OSTN: variants seen among roughly 807,000 people sequenced by gnomAD.
OSTN encodes the protein osteocrin.
OSTN carries 9 observed loss-of-function variants against 12.0 expected under a neutral mutation model. That is an observed-to-expected ratio of 0.75 (90% confidence interval 0.45 to 1.30). The LOEUF is 1.30. Ranked by LOEUF, OSTN falls within the 50% of genes most tolerant of loss-of-function variation. OSTN has a pLI of 0.00. For synonymous variants in OSTN, 59 were observed against 56.9 expected (o/e 1.04, Z -0.16); for missense variants, 148 against 152.3 (o/e 0.97, Z 0.15).
rs959851689 is a variant in OSTN, at chr3:191,259,974, C to G, written c.*13-2892C>G. On this transcript the variant is annotated intron_variant, in intron 4 of 4. Coordinates refer to ENST00000682035, the MANE Select transcript of OSTN (RefSeq NM_198184.2). ...GGTTCAAGTGATTCTCCTGCCTCAG[C>G]CTCCGGGGTAGCTGGGACTACAGGC... Among the ~76,000 whole-genome samples, 8 of 149,282 alleles carry G rather than the reference C, an allele frequency of 5.4e-5. No homozygotes were observed. In the South Asian group the frequency reaches 1.7e-3, roughly 31 times the overall value.
intron 4 of OSTN, among the ~76,000 whole-genome samples, chr3:191,259,312 A>G (rs1715747821): frequency 6.6e-6 from 1 of 151,588 alleles, no homozygotes; most frequent in South Asian, 2.1e-4. Flanking sequence ...CTTCTGCCTC[A>G]GCCTCCCGAG....
chr3:191,223,261 C>A (rs1046290160), intron 3 of OSTN, among the ~76,000 whole-genome samples: 1 of 152,118 alleles, frequency 6.6e-6, no homozygotes, highest in African/African-American at 2.4e-5. Flanking sequence ...ATGAAAGCTA[C>A]AAATAAGCCA....
At chr3:191,238,079 G>A (rs1400463618) in intron 3 of OSTN, among the ~76,000 whole-genome samples, 2 of 152,144 alleles carry the variant, frequency 1.3e-5, no homozygotes, top group African/African-American at 4.8e-5. Context: ...GGCATCTCAA[G>A]GTTTATGCTT....
In OSTN at chr3:191,218,051, A is replaced by G. The variant is rs553546359; in HGVS notation, c.103-696A>G. Among the ~76,000 whole-genome samples, 292 of 152,340 alleles carry G rather than the reference A, an allele frequency of 1.9e-3. 1 individual carries two copies. The highest frequency in any genetic ancestry group is 6.5e-3 in the African/African-American group (272 of 41,584). On this transcript the variant is annotated intron_variant, in intron 2 of 4. Transcript: ENST00000682035. The stretch of plus-strand genomic sequence containing the variant: ...TTAGACAAAGTCATTGACTAATAAC[A>G]AGTACAAATATACAGTAACCAACCT...
chr3:191,256,478 G>A (rs1236630091), intron 4 of OSTN, among the ~76,000 whole-genome samples: 2 of 151,954 alleles, frequency 1.3e-5, no homozygotes, highest in East Asian at 3.8e-4. Flanking sequence ...AAGATCACAG[G>A]TCTCTGTAAA....
At chr3:191,209,017 G>T (rs573055391) in intron 1 of OSTN, among the ~76,000 whole-genome samples, 2 of 152,072 alleles carry the variant, frequency 1.3e-5, no homozygotes, top group African/African-American at 4.8e-5. Flanking sequence ...AAATTAGCTG[G>T]GTGTGGTGGT....
chr3:191,259,908 G>T (rs550313157), intron 4 of OSTN, among the ~76,000 whole-genome samples: 2 of 145,264 alleles, frequency 1.4e-5, no homozygotes, highest in African/African-American at 2.6e-5. Context: ...AGGCTGGAGC[G>T]CAGTGGTACA....
chr3:191,222,070 C>T (rs534834809), intron 3 of OSTN, among the ~76,000 whole-genome samples: 10 of 152,362 alleles, frequency 6.6e-5, no homozygotes, highest in African/African-American at 1.2e-4. Context: ...AATTGAGGTT[C>T]GCCAACTTCC....
chr3:191,220,619 A>G (rs1201976543), intron 3 of OSTN, among the ~76,000 whole-genome samples: 2 of 152,276 alleles, frequency 1.3e-5, no homozygotes, highest in East Asian at 1.9e-4. Flanking sequence ...ATGTTCCAGC[A>G]CCACCACTGC....
At chr3:191,232,985 C>T (rs928262474) in intron 3 of OSTN, among the ~76,000 whole-genome samples, 3 of 152,076 alleles carry the variant, frequency 2.0e-5, no homozygotes, top group Non-Finnish European at 4.4e-5. Context: ...CACGTATAGG[C>T]CCCTGAATTA....
chr3:191,219,076 T>C (rs1470321028), intron 3 of OSTN, 115 bp downstream of exon 3: 1 of 925,058 alleles, frequency 1.1e-6, no homozygotes, highest in South Asian at 1.8e-5. Context: ...TATAAACAGA[T>C]TTGACGGTAT....
At chr3:191,233,724 T>C (rs976677005) in intron 3 of OSTN, among the ~76,000 whole-genome samples, 5 of 152,252 alleles carry the variant, frequency 3.3e-5, no homozygotes, top group African/African-American at 1.2e-4. Flanking sequence ...CCAGGCACTG[T>C]GGCTCATGCC....
At chr3:191,230,183 C>T (rs977762534) in intron 3 of OSTN, among the ~76,000 whole-genome samples, 1 of 151,952 alleles carries the variant, frequency 6.6e-6, no homozygotes, top group Admixed American at 6.6e-5. Flanking sequence ...TTTTGACACA[C>T]AAAATTAGTG....
intron 3 of OSTN, among the ~76,000 whole-genome samples, chr3:191,223,443 G>T (rs75032928): frequency 0.027 from 4,164 of 152,290 alleles, 208 homozygotes; most frequent in East Asian, 0.22. Flanking sequence ...GAAAGAGAAT[G>T]TGTTATAGTA....
chr3:191,234,059 C>T (rs573878375), intron 3 of OSTN, among the ~76,000 whole-genome samples: 5 of 152,198 alleles, frequency 3.3e-5, no homozygotes, highest in Non-Finnish European at 7.4e-5. Flanking sequence ...CTCCTTCACA[C>T]AACACTAAAA....
rs397991965 is a variant in OSTN at position 191,212,867 on chromosome 3, C to CTTTTTTTTTTTTTTTT, written c.102+239_102+254dup. Among the ~76,000 whole-genome samples the CTTTTTTTTTTTTTTTT allele has an allele frequency of 3.2e-3, 301 of 93,098 alleles. 1 individual carries two copies. The highest frequency in any genetic ancestry group is 4.2e-3 in the East Asian group (13 of 3,094). The allele number at this position is 93,098 out of a possible 152,430, so 61.1% of individuals were successfully genotyped here. On this transcript the variant is annotated intron_variant, in intron 2 of 4. Transcript: ENST00000682035. Reference sequence around the variant, plus strand: ...GTAAACGTTTCCTTTTCTTTTCTTTCTTTTTTTTTTTTTTTTTTTTTGAGA... The same window carrying CTTTTTTTTTTTTTTTT: ...GTAAACGTTTCCTTTTCTTTTCTTTCTTTTTTTTTTTTTTTTTTTTTTTTTTTTTTTTTTTTTGAGA...
chr3:191,241,378 G>A (rs75019057), intron 3 of OSTN, among the ~76,000 whole-genome samples: 1 of 151,676 alleles, frequency 6.6e-6, no homozygotes, highest in East Asian at 1.9e-4. Context: ...TAGAGACGGG[G>A]TTTCACTATG....
At chr3:191,203,129 T>C (rs1006038938) in intron 1 of OSTN, among the ~76,000 whole-genome samples, 2 of 152,218 alleles carry the variant, frequency 1.3e-5, no homozygotes, top group East Asian at 1.9e-4. Context: ...GCTAATCTCT[T>C]ATCTTCCCTC....
chr3:191,246,618 G>A (rs1452672483), intron 3 of OSTN, among the ~76,000 whole-genome samples: 56 of 92,194 alleles, frequency 6.1e-4, no homozygotes, highest in Admixed American at 2.9e-3. Flanking sequence ...AAAAAAAAAA[G>A]AAAGAAAGAA....
Sources: allele counts gnomAD v4.1 joint callset (sites outside exome capture counted in the v4.1 genomes callset), GRCh38; gene constraint gnomAD v4.1.1; transcripts MANE v1.5; gene names NCBI Gene and HGNC (gene_info 2026-07-23, HGNC 2026-07-21).